The following ZNF469 variants were observed in gnomAD, a reference collection of about 807,000 sequenced individuals.
ZNF469 encodes the protein zinc finger protein 469.
Under a neutral mutation model 1.0 loss-of-function variants are expected in ZNF469, and 1 was observed. The observed-to-expected ratio is 1.00, with a 90% CI of 0.35 to 4.73. ZNF469 has a LOEUF of 4.73. ZNF469 is among the 30% of genes most tolerant of loss of function. The pLI, the probability that ZNF469 is intolerant of heterozygous loss-of-function variation, is 0.16. For synonymous variants in ZNF469, 2,703 were observed against 2,363.4 expected (o/e 1.14, Z -4.17); for missense variants, 6,100 against 5,356.3 (o/e 1.14, Z -4.33).
chr16:88,284,536 A>C, the ZNF469 span, among the ~76,000 whole-genome samples: 1 of 146,984 alleles, frequency 6.8e-6, no homozygotes, highest in African/African-American at 2.5e-5. Context: ...GCTTGAGCCC[A>C]GGAGGTCAAG....
chr16:88,131,475 C>CA, the ZNF469 span, among the ~76,000 whole-genome samples: 1 of 113,890 alleles, frequency 8.8e-6, no homozygotes, highest in African/African-American at 3.0e-5. Flanking sequence ...TTTCCCTTCC[C>CA]GTGGCCTGTT....
At chr16:88,359,592 C>G in the ZNF469 span, among the ~76,000 whole-genome samples, 2 of 152,154 alleles carry the variant, frequency 1.3e-5, no homozygotes, top group African/African-American at 4.8e-5. Flanking sequence ...AGTGTCTGCT[C>G]GAGTTTCAGT....
chr16:88,208,472 AGGAGGGAG>A, the ZNF469 span, among the ~76,000 whole-genome samples: 1 of 92,794 alleles, frequency 1.1e-5, no homozygotes, highest in African/African-American at 4.4e-5. Context: ...AGGGGAGGAG[AGGAGGGAG>A]GGAGGGAGGG....
At chr16:88,420,075 G>A (rs868333771) in intron 1 of ZNF469, among the ~76,000 whole-genome samples, 1 of 152,224 alleles carries the variant, frequency 6.6e-6, no homozygotes, top group Admixed American at 6.5e-5. Flanking sequence ...CCACACGCAG[G>A]TTCCATGTGT....
At chr16:88,402,473 T>A (rs1344865158) in intron 1 of ZNF469, among the ~76,000 whole-genome samples, 2 of 152,064 alleles carry the variant, frequency 1.3e-5, no homozygotes, top group Middle Eastern at 3.2e-3. Context: ...GGGCACCAGC[T>A]TGGGGAGAGG....
Position 88,434,222 on chromosome 16 carries a change from GA to G in ZNF469, c.6754del (p.Ile2252PhefsTer221). 1 of 1,550,370 alleles carries G rather than the reference GA, an allele frequency of 6.5e-7. No individual in the cohort carries two copies. The highest frequency in any genetic ancestry group is 8.7e-7 in the Non-Finnish European group (1 of 1,146,972). On this transcript the variant is annotated frameshift_variant, in exon 3 of 3. Coordinates refer to ENST00000565624, the MANE Select transcript of ZNF469 (RefSeq NM_001367624.2). LOFTEE classifies it low-confidence loss of function (END_TRUNC). ...SGDTPKDSTL[R>X]IPEDSRKEKL... ...GACACCCCCAAAGACAGCACTTTAAGAATTCCAGAGGATTCCAGAAAAGAGA... is the reference window on the plus strand; with the variant it reads ...GACACCCCCAAAGACAGCACTTTAAGATTCCAGAGGATTCCAGAAAAGAGA...
At chr16:88,395,398 TAGATAGAA>T (rs1168621806) in intron 1 of ZNF469, among the ~76,000 whole-genome samples, 5 of 139,220 alleles carry the variant, frequency 3.6e-5, no homozygotes, top group South Asian at 2.2e-4. Flanking sequence ...GGTAGGTAGG[TAGATAGAA>T]AGATACACAC....
the ZNF469 span, among the ~76,000 whole-genome samples, chr16:88,327,150 G>C: frequency 1.3e-5 from 2 of 152,194 alleles, no homozygotes; most frequent in Admixed American, 6.5e-5. Context: ...AGTGTCCCTC[G>C]TACTGGCACA....
At chr16:88,376,950 G>A in the ZNF469 span, among the ~76,000 whole-genome samples, 1 of 152,238 alleles carries the variant, frequency 6.6e-6, no homozygotes, top group African/African-American at 2.4e-5. Context: ...ACTGGGTAAA[G>A]CAGGGAGGAC....
At chr16:88,380,522 C>G (rs796686545), upstream of ZNF469, among the ~76,000 whole-genome samples, 1 of 113,794 alleles carries the variant, frequency 8.8e-6, no homozygotes, top group East Asian at 3.0e-4. Context: ...TGCACACACA[C>G]GCACTAACAC....
chr16:88,125,566 CAT>C, the ZNF469 span, among the ~76,000 whole-genome samples: 43 of 152,194 alleles, frequency 2.8e-4, no homozygotes, highest in African/African-American at 1.0e-3. Context: ...AATCCATGAA[CAT>C]AGTTTGCCTC....
At chr16:88,344,734 G>A in the ZNF469 span, among the ~76,000 whole-genome samples, 3 of 152,226 alleles carry the variant, frequency 2.0e-5, no homozygotes, top group East Asian at 3.9e-4. Flanking sequence ...GGATGCAGCC[G>A]GAAGGTCCCC....
intron 1 of ZNF469, among the ~76,000 whole-genome samples, chr16:88,409,332 G>A (rs969055194): frequency 6.6e-6 from 1 of 152,264 alleles, no homozygotes; most frequent in Admixed American, 6.5e-5. Flanking sequence ...GGAGACACTT[G>A]AGAACTGGAG....
the ZNF469 span, among the ~76,000 whole-genome samples, chr16:88,139,923 G>A: frequency 6.6e-6 from 1 of 152,176 alleles, no homozygotes; most frequent in East Asian, 1.9e-4. Context: ...GCATTCGTGA[G>A]ACAGTCTCCA....
the ZNF469 span, among the ~76,000 whole-genome samples, chr16:88,184,574 G>A: frequency 1.3e-5 from 2 of 152,010 alleles, no homozygotes; most frequent in Middle Eastern, 3.4e-3. Context: ...AGGTGTGGAC[G>A]CCCGCGCCAC....
the ZNF469 span, among the ~76,000 whole-genome samples, chr16:88,102,089 G>A: frequency 1.5e-4 from 19 of 127,532 alleles, no homozygotes; most frequent in Non-Finnish European, 2.5e-4. Context: ...GTGTCCTTAC[G>A]CTTTGTGCAG....
At chr16:88,347,841 C>T in the ZNF469 span, among the ~76,000 whole-genome samples, 4 of 152,206 alleles carry the variant, frequency 2.6e-5, no homozygotes, top group Non-Finnish European at 4.4e-5. Context: ...TTTGGGCCTC[C>T]CAGGAAGATA....
the ZNF469 span, among the ~76,000 whole-genome samples, chr16:88,200,145 G>A: frequency 6.6e-6 from 1 of 152,208 alleles, no homozygotes; most frequent in Non-Finnish European, 1.5e-5. Context: ...CACGGCAGTG[G>A]GGTGTGTGTC....
chr16:88,417,253 C>G (rs1410230731), intron 1 of ZNF469, among the ~76,000 whole-genome samples: 1 of 152,182 alleles, frequency 6.6e-6, no homozygotes. Flanking sequence ...GGCCCACACC[C>G]TTTCTGAGCC....
Sources: allele counts gnomAD v4.1 joint callset (sites outside exome capture counted in the v4.1 genomes callset), GRCh38; gene constraint gnomAD v4.1.1; transcripts MANE v1.5; gene names NCBI Gene and HGNC (gene_info 2026-07-23, HGNC 2026-07-21).